The following PIP5K1B variants were observed in gnomAD, a reference collection of about 807,000 sequenced individuals.
PIP5K1B encodes phosphatidylinositol-4-phosphate 5-kinase type 1 beta.
In PIP5K1B, 42 loss-of-function variants were observed where a neutral mutation model predicts 67.0. That is an observed-to-expected ratio of 0.63 (90% CI 0.49 to 0.81). PIP5K1B has a LOEUF of 0.81. Among genes scored for constraint, PIP5K1B ranks in the 30% least tolerant of loss-of-function variants. The probability of loss-of-function intolerance (pLI) is 0.00; values close to 1 mark genes in which losing one functional copy is unlikely to be tolerated. For missense variants in PIP5K1B, 459 were observed against 646.3 expected, an observed-to-expected ratio of 0.71 and a Z score of 3.14; for synonymous variants, 214 against 231.4, an observed-to-expected ratio of 0.92 and a Z score of 0.68.
chr9:68,863,316 G>A (rs1036788119), intron 4 of PIP5K1B, among the ~76,000 whole-genome samples: 9 of 152,136 alleles, frequency 5.9e-5, no homozygotes, highest in African/African-American at 1.7e-4. Flanking sequence ...ACACTTCACC[G>A]TAAAAAAATA....
intron 2 of PIP5K1B, among the ~76,000 whole-genome samples, chr9:68,793,955 A>G (rs1267576863): frequency 6.6e-6 from 1 of 152,248 alleles, no homozygotes; most frequent in Admixed American, 6.5e-5. Context: ...AGCTAGAGCA[A>G]TCAGAGAGGT....
At chr9:68,973,466 C>CT (rs1209167323) in intron 14 of PIP5K1B, among the ~76,000 whole-genome samples, 2 of 152,070 alleles carry the variant, frequency 1.3e-5, no homozygotes, top group Non-Finnish European at 2.9e-5. Flanking sequence ...ATAATTTAGA[C>CT]TTTTTAAGAG....
At chr9:68,901,987 T>C (rs539832613) in intron 8 of PIP5K1B, among the ~76,000 whole-genome samples, 3 of 152,350 alleles carry the variant, frequency 2.0e-5, no homozygotes, top group African/African-American at 7.2e-5. Flanking sequence ...CAGAGAGATA[T>C]CATACACCCT....
intron 4 of PIP5K1B, among the ~76,000 whole-genome samples, chr9:68,855,924 A>G (rs896874746): frequency 2.0e-5 from 3 of 152,174 alleles, no homozygotes; most frequent in Admixed American, 6.5e-5. Flanking sequence ...TGCTTCTATA[A>G]CAAATTACTA....
chr9:68,707,876 A>G (rs1006462182), intron 1 of PIP5K1B: 3 of 152,188 alleles, frequency 2.0e-5, no homozygotes, highest in African/African-American at 7.2e-5. Flanking sequence ...CCAAGTCTCA[A>G]GTGTCTCACA....
intron 6 of PIP5K1B, among the ~76,000 whole-genome samples, chr9:68,880,615 A>G (rs1001545304): frequency 2.4e-5 from 2 of 83,224 alleles, no homozygotes; most frequent in African/African-American, 7.3e-5. Flanking sequence ...ACACACACAC[A>G]CGCATACACA....
At chr9:68,711,287 C>A (rs1197371272) in intron 1 of PIP5K1B, among the ~76,000 whole-genome samples, 1 of 152,102 alleles carries the variant, frequency 6.6e-6, no homozygotes, top group Non-Finnish European at 1.5e-5. Flanking sequence ...TTAAACCATG[C>A]CCATCATTGT....
At chr9:68,785,373 CT>C (rs1426390590) in intron 2 of PIP5K1B, among the ~76,000 whole-genome samples, 1 of 152,142 alleles carries the variant, frequency 6.6e-6, no homozygotes, top group Non-Finnish European at 1.5e-5. Context: ...TTTTTCATGG[CT>C]GTTAGAGAAT....
chr9:68,901,421 G>A (rs1045345997), intron 8 of PIP5K1B, among the ~76,000 whole-genome samples: 2 of 152,118 alleles, frequency 1.3e-5, no homozygotes, highest in Non-Finnish European at 2.9e-5. Flanking sequence ...ACCACACCCC[G>A]CTAGTTTTTA....
intron 1 of PIP5K1B, among the ~76,000 whole-genome samples, chr9:68,713,651 A>C (rs1051351618): frequency 1.3e-5 from 2 of 152,232 alleles, no homozygotes; most frequent in African/African-American, 4.8e-5. Context: ...GGCTTTTCTC[A>C]GAACTGTGCG....
At chr9:68,828,032 T>A (rs1834078133) in intron 4 of PIP5K1B, among the ~76,000 whole-genome samples, 1 of 152,190 alleles carries the variant, frequency 6.6e-6, no homozygotes, top group Admixed American at 6.5e-5. Context: ...GTTAGGAAGA[T>A]GATTAGAAGC....
At chr9:69,004,337 T>TTGTG (rs56680798) in intron 15 of PIP5K1B, among the ~76,000 whole-genome samples, 208 of 148,370 alleles carry the variant, frequency 1.4e-3, no homozygotes, top group East Asian at 4.4e-3. Context: ...GTGTGTGTTT[T>TTGTG]TGTGTGTGTG....
chr9:68,807,560 A>G (rs1239883919), intron 2 of PIP5K1B, among the ~76,000 whole-genome samples: 2 of 152,176 alleles, frequency 1.3e-5, no homozygotes, highest in African/African-American at 2.4e-5. Context: ...TTTGGGGCAT[A>G]TAGGGGATCT....
At chr9:68,970,713 T>A (rs1262565216) in intron 14 of PIP5K1B, among the ~76,000 whole-genome samples, 2 of 152,234 alleles carry the variant, frequency 1.3e-5, no homozygotes, top group African/African-American at 4.8e-5. Context: ...TGTTAAGAAA[T>A]CACATATAAA....
At chr9:68,854,602 AT>A (rs1411618428) in intron 4 of PIP5K1B, among the ~76,000 whole-genome samples, 1 of 152,256 alleles carries the variant, frequency 6.6e-6, no homozygotes, top group Non-Finnish European at 1.5e-5. Flanking sequence ...GGTTTGTTGC[AT>A]TAAGGCCTTG....
chr9:68,779,461 A>C (rs1831099543), intron 2 of PIP5K1B, among the ~76,000 whole-genome samples: 1 of 152,144 alleles, frequency 6.6e-6, no homozygotes, highest in African/African-American at 2.4e-5. Flanking sequence ...TTAATCTCCC[A>C]ATATGTATTC....
Position 69,008,684 on chromosome 9 carries a change from C to A in PIP5K1B, c.*235C>A. On this transcript the variant is annotated 3_prime_UTR_variant, in exon 16 of 16. Transcript: ENST00000265382. Reference sequence around the variant, plus strand: ...CTGTTGCTTGCTGAACTGTGAAGAACTGCATGAACTATATTTAAGCTGCTT... The same window carrying A: ...CTGTTGCTTGCTGAACTGTGAAGAAATGCATGAACTATATTTAAGCTGCTT... 1.9e-6 allele frequency: 1 copy of A among 527,734 alleles called. No individual in the cohort carries two copies. The highest frequency in any genetic ancestry group is 3.5e-6 in the Non-Finnish European group (1 of 287,902). The allele number at this position is 527,734 out of a possible 1,614,324, so 32.7% of individuals were successfully genotyped here.
intron 13 of PIP5K1B, among the ~76,000 whole-genome samples, chr9:68,935,712 A>G (rs1466991415): frequency 3.2e-4 from 49 of 152,114 alleles, no homozygotes; most frequent in Admixed American, 3.2e-3. Flanking sequence ...ACACACATAC[A>G]CTCAATGTAA....
At chr9:68,902,699 A>C (rs1289195272) in intron 8 of PIP5K1B, among the ~76,000 whole-genome samples, 1 of 152,216 alleles carries the variant, frequency 6.6e-6, no homozygotes, top group African/African-American at 2.4e-5. Context: ...TCTTTTCCAG[A>C]GTGGTTGCAC....
Sources: gnomAD v4.1 joint callset for allele counts (sites outside exome capture counted in the v4.1 genomes callset) on GRCh38, gnomAD v4.1.1 for gene constraint, MANE v1.5 for transcripts, NCBI Gene and HGNC (gene_info 2026-07-23, HGNC 2026-07-21) for gene names.